The following WDR59 variants were observed in gnomAD, a reference collection of about 807,000 sequenced individuals.
WDR59 encodes WD repeat domain 59.
WDR59 carries 100 observed loss-of-function variants against 131.2 expected under a neutral mutation model. That is an observed-to-expected ratio of 0.76 (90% CI 0.65 to 0.90). The LOEUF is 0.90. Ranked by LOEUF, WDR59 falls within the 40% of genes least tolerant of loss-of-function variation. WDR59 has a pLI of 0.00. For synonymous variants in WDR59, 601 were observed against 466.2 expected (o/e 1.29, Z -3.72); for missense variants, 1,203 against 1,262.2 (o/e 0.95, Z 0.71).
intron 25 of WDR59, among the ~76,000 whole-genome samples, chr16:74,883,142 A>G (rs953892030): frequency 6.8e-6 from 1 of 147,484 alleles, no homozygotes; most frequent in African/African-American, 2.5e-5. Flanking sequence ...CTCCTGCCTC[A>G]GCCTCCTGAG....
intron 9 of WDR59, among the ~76,000 whole-genome samples, chr16:74,922,921 T>C (rs932270418): frequency 6.6e-6 from 1 of 152,238 alleles, no homozygotes; most frequent in Non-Finnish European, 1.5e-5. Flanking sequence ...GACAGCCCAA[T>C]GTATAAAGGT....
At chr16:74,914,742 C>T (rs1468354732) in intron 13 of WDR59, among the ~76,000 whole-genome samples, 11 of 152,014 alleles carry the variant, frequency 7.2e-5, no homozygotes, top group Admixed American at 3.9e-4. Flanking sequence ...TACAGGCGCA[C>T]GCCACCATGA....
At chr16:74,910,668 A>G (rs1172835070) in intron 14 of WDR59, among the ~76,000 whole-genome samples, 2 of 152,236 alleles carry the variant, frequency 1.3e-5, no homozygotes, top group Non-Finnish European at 2.9e-5. Flanking sequence ...CTTCAAAAGT[A>G]TAAATCCTAA....
chr16:74,907,614 G>T (rs144952805), intron 17 of WDR59, among the ~76,000 whole-genome samples: 1 of 152,118 alleles, frequency 6.6e-6, no homozygotes, highest in Non-Finnish European at 1.5e-5. Context: ...GTGTGAGAAC[G>T]GACTAATACA....
chr16:74,949,952 G>C (rs1345318677), intron 4 of WDR59, 154 bp from the exon 5 acceptor site: 1 of 734,950 alleles, frequency 1.4e-6, no homozygotes, highest in East Asian at 2.9e-5. Context: ...AAGTTCCTTG[G>C]GAACGAACAT....
intron 4 of WDR59, among the ~76,000 whole-genome samples, chr16:74,950,918 G>A (rs2032955877): frequency 6.6e-6 from 1 of 151,760 alleles, no homozygotes; most frequent in Non-Finnish European, 1.5e-5. Context: ...CACTTTGGGA[G>A]GCCAAGGCAG....
rs549021619 is a variant in WDR59, at chr16:74,921,936, C to G, written c.886+11G>C. ...CAGAAGGAAAGTGGGCAGCAGGCCT[C>G]TCCCACTCACCTTCCTTCTGCTTCC... is the stretch of plus-strand genomic sequence containing the variant. On this transcript the variant is annotated intron_variant, in intron 10 of 25. Transcript: ENST00000262144. The G allele has an allele frequency of 6.2e-7, 1 of 1,612,970 alleles. No homozygotes were observed. The highest frequency in any genetic ancestry group is 8.5e-7 in the Non-Finnish European group (1 of 1,179,618).
intron 25 of WDR59, among the ~76,000 whole-genome samples, chr16:74,884,696 C>G (rs1597634394): frequency 1.3e-5 from 2 of 152,160 alleles, no homozygotes; most frequent in African/African-American, 4.8e-5. Context: ...TGATATAACC[C>G]TAAGTTCTCT....
intron 4 of WDR59, among the ~76,000 whole-genome samples, chr16:74,951,001 A>G (rs971157077): frequency 4.6e-5 from 7 of 151,780 alleles, no homozygotes; most frequent in African/African-American, 1.7e-4. Context: ...ACAAAAAAAA[A>G]AAAAAAAAAT....
intron 2 of WDR59, among the ~76,000 whole-genome samples, chr16:74,961,133 C>T (rs1286110856): frequency 7.0e-6 from 1 of 142,488 alleles, no homozygotes; most frequent in Non-Finnish European, 1.5e-5. Flanking sequence ...CAGGGAGACC[C>T]TGTCTCTACA....
chr16:74,978,263 G>A (rs763982701), intron 1 of WDR59, among the ~76,000 whole-genome samples: 2 of 150,492 alleles, frequency 1.3e-5, no homozygotes, highest in Non-Finnish European at 1.5e-5. Context: ...CAGAGGTTAC[G>A]GTGAGCCGAG....
chr16:74,937,536 C>T (rs904847546), intron 8 of WDR59, among the ~76,000 whole-genome samples: 5 of 152,240 alleles, frequency 3.3e-5, no homozygotes, highest in East Asian at 1.9e-4. Flanking sequence ...GAGGCTCGCT[C>T]GGTCGCCCAG....
intron 21 of WDR59, among the ~76,000 whole-genome samples, chr16:74,888,769 G>A (rs1027718822): frequency 2.6e-5 from 4 of 152,160 alleles, no homozygotes; most frequent in African/African-American, 7.2e-5. Context: ...ACACTGGACC[G>A]CCACAGCATG....
chr16:74,908,026 G>A (rs915306416), intron 17 of WDR59, among the ~76,000 whole-genome samples: 5 of 152,074 alleles, frequency 3.3e-5, no homozygotes, highest in Admixed American at 2.6e-4. Flanking sequence ...TTTTTTTAAT[G>A]CACAGAAAAA....
intron 16 of WDR59, 32 bp downstream of exon 16, chr16:74,909,468 GA>G: frequency 2.0e-6 from 3 of 1,508,162 alleles, no homozygotes; most frequent in Non-Finnish European, 2.7e-6. Flanking sequence ...GCTCCCTCTC[GA>G]AATCTAGAAT....
At chr16:74,915,795 A>C in intron 13 of WDR59, 75 bp downstream of exon 13, 1 of 1,595,490 alleles carries the variant, frequency 6.3e-7, no homozygotes, top group African/African-American at 1.3e-5. Flanking sequence ...GCTAACTGAA[A>C]TCATTGCTGA....
intron 18 of WDR59, among the ~76,000 whole-genome samples, chr16:74,903,189 C>T (rs1184864318): frequency 6.6e-6 from 1 of 152,208 alleles, no homozygotes; most frequent in African/African-American, 2.4e-5. Flanking sequence ...TTATTTCCCA[C>T]TGAGCGAGAG....
intron 8 of WDR59, among the ~76,000 whole-genome samples, chr16:74,936,368 TG>T (rs2031802553): frequency 6.6e-6 from 1 of 152,152 alleles, no homozygotes; most frequent in South Asian, 2.1e-4. Context: ...CCCAGGAAAC[TG>T]GCTGTTACCT....
chr16:74,975,947 T>G (rs753013211), intron 1 of WDR59, among the ~76,000 whole-genome samples: 1 of 152,052 alleles, frequency 6.6e-6, no homozygotes, highest in Non-Finnish European at 1.5e-5. Flanking sequence ...ACTCAGGAGT[T>G]TGACACCAGC....
Sources: allele counts gnomAD v4.1 joint callset (sites outside exome capture counted in the v4.1 genomes callset), GRCh38; gene constraint gnomAD v4.1.1; transcripts MANE v1.5; gene names NCBI Gene and HGNC (gene_info 2026-07-23, HGNC 2026-07-21).